DSCAM: variants seen among roughly 807,000 people sequenced by gnomAD.
The protein encoded by DSCAM is cell adhesion molecule DSCAM.
A neutral mutation model predicts 217.7 loss-of-function variants in DSCAM; 47 were observed. The ratio of observed to expected loss-of-function variants is 0.22; its 90% CI spans 0.17 to 0.28. The LOEUF (loss-of-function observed/expected upper bound fraction) is 0.28. DSCAM is among the 10% of genes least tolerant of loss of function. The probability of loss-of-function intolerance (pLI) is 1.00; values close to 1 mark genes in which losing one functional copy is unlikely to be tolerated. For synonymous variants in DSCAM, 1,056 were observed against 1,015.3 expected, an observed-to-expected ratio of 1.04 and a Z score of -0.76; for missense variants, 2,080 against 2,618.3, an observed-to-expected ratio of 0.79 and a Z score of 4.49.
intron 3 of DSCAM, among the ~76,000 whole-genome samples, chr21:40,647,560 G>A (rs1323110564): frequency 1.3e-5 from 2 of 152,046 alleles, no homozygotes; most frequent in Non-Finnish European, 2.9e-5. Context: ...AGGTTCTCTT[G>A]TCTAAAATAG....
chr21:40,533,527 GT>G (rs2076466689), intron 3 of DSCAM, among the ~76,000 whole-genome samples: 3 of 121,192 alleles, frequency 2.5e-5, no homozygotes, highest in Admixed American at 1.6e-4. Context: ...CCATCCATCT[GT>G]CCATCCATCC....
chr21:40,836,793 G>C (rs759974684), intron 1 of DSCAM, among the ~76,000 whole-genome samples: 2 of 152,186 alleles, frequency 1.3e-5, no homozygotes, highest in Non-Finnish European at 2.9e-5. Context: ...ATCAGAGCTG[G>C]AAGACGACAT....
intron 18 of DSCAM, among the ~76,000 whole-genome samples, chr21:40,137,775 T>C (rs987139830): frequency 3.3e-5 from 5 of 152,220 alleles, no homozygotes; most frequent in African/African-American, 1.2e-4. Flanking sequence ...TGTGTATTTA[T>C]ATCTTGCCTC....
At chr21:40,627,706 G>T (rs2146311565) in intron 3 of DSCAM, among the ~76,000 whole-genome samples, 1 of 152,282 alleles carries the variant, frequency 6.6e-6, no homozygotes, top group African/African-American at 2.4e-5. Context: ...ATCATTCACA[G>T]CACATCTGTT....
chr21:40,462,488 G>A (rs1185417465), intron 3 of DSCAM, among the ~76,000 whole-genome samples: 6 of 152,120 alleles, frequency 3.9e-5, no homozygotes, highest in Non-Finnish European at 7.3e-5. Flanking sequence ...AAATGTTACT[G>A]CACATTGGAA....
intron 20 of DSCAM, among the ~76,000 whole-genome samples, chr21:40,121,181 T>A (rs1033279814): frequency 1.3e-5 from 2 of 152,180 alleles, no homozygotes; most frequent in African/African-American, 4.8e-5. Context: ...CTTGGAAAAC[T>A]TGACAGCATC....
At chr21:40,475,528 C>T (rs917833524) in intron 3 of DSCAM, among the ~76,000 whole-genome samples, 3 of 152,184 alleles carry the variant, frequency 2.0e-5, no homozygotes, top group Admixed American at 6.5e-5. Context: ...TGTGTTCATT[C>T]ACGAAAGTGC....
At chr21:40,458,293 C>T (rs184697361) in intron 3 of DSCAM, among the ~76,000 whole-genome samples, 1 of 152,112 alleles carries the variant, frequency 6.6e-6, no homozygotes, top group East Asian at 1.9e-4. Context: ...TATTTCCCCA[C>T]AAAGTTATAA....
At chr21:40,183,983 G>T (rs375533166) in intron 14 of DSCAM, among the ~76,000 whole-genome samples, 50 of 152,280 alleles carry the variant, frequency 3.3e-4, no homozygotes, top group East Asian at 2.3e-3. Context: ...CATAAGGTTT[G>T]TCAGAGACAA....
intron 1 of DSCAM, among the ~76,000 whole-genome samples, chr21:40,719,127 A>AACAC (rs111670493): frequency 2.0e-5 from 3 of 151,078 alleles, no homozygotes; most frequent in African/African-American, 4.9e-5. Flanking sequence ...AAAGAAGAAA[A>AACAC]ACACACACAC....
chr21:40,523,845 T>A (rs1601714323), intron 3 of DSCAM, among the ~76,000 whole-genome samples: 2 of 152,066 alleles, frequency 1.3e-5, no homozygotes, highest in African/African-American at 4.8e-5. Context: ...CTGTAAACAT[T>A]CACCTCTAGA....
intron 1 of DSCAM, among the ~76,000 whole-genome samples, chr21:40,730,510 T>G (rs2091000983): frequency 6.6e-6 from 1 of 152,200 alleles, no homozygotes; most frequent in Non-Finnish European, 1.5e-5. Flanking sequence ...TTCCACCGTT[T>G]GATAAAAATC....
At chr21:40,579,379 T>C (rs1372756492) in intron 3 of DSCAM, among the ~76,000 whole-genome samples, 1 of 151,056 alleles carries the variant, frequency 6.6e-6, no homozygotes, top group African/African-American at 2.4e-5. Context: ...CACAGAGGGG[T>C]AGAGGTAGGC....
chr21:40,823,796 C>T (rs1161056755), intron 1 of DSCAM, among the ~76,000 whole-genome samples: 3 of 152,028 alleles, frequency 2.0e-5, no homozygotes, highest in African/African-American at 7.3e-5. Flanking sequence ...CAGGATGTGC[C>T]CTCTGATCCA....
At chr21:40,708,074 T>C (rs751140250) in intron 2 of DSCAM, among the ~76,000 whole-genome samples, 1 of 152,192 alleles carries the variant, frequency 6.6e-6, no homozygotes, top group Admixed American at 6.5e-5. Context: ...TGTCATTTTT[T>C]TCTCTCTCTT....
chr21:40,138,928 G>C (rs1189834886), intron 18 of DSCAM, among the ~76,000 whole-genome samples: 1 of 147,726 alleles, frequency 6.8e-6, no homozygotes, highest in Admixed American at 6.7e-5. Flanking sequence ...TGTGTGGTGT[G>C]GTACATGGTG....
intron 3 of DSCAM, among the ~76,000 whole-genome samples, chr21:40,594,973 T>C (rs1170784854): frequency 1.3e-5 from 2 of 152,200 alleles, no homozygotes; most frequent in Admixed American, 6.5e-5. Context: ...CAACCAACAC[T>C]TACTGGGTGC....
At chr21:40,469,239 C>A (rs1277851959) in intron 3 of DSCAM, among the ~76,000 whole-genome samples, 1 of 152,048 alleles carries the variant, frequency 6.6e-6, no homozygotes, top group Non-Finnish European at 1.5e-5. Flanking sequence ...ATTCTTTTTG[C>A]AAACATAAGT....
chr21:40,769,389 A>G (rs543527601), intron 1 of DSCAM, among the ~76,000 whole-genome samples: 1 of 152,298 alleles, frequency 6.6e-6, no homozygotes, highest in African/African-American at 2.4e-5. Context: ...TGCTGCACCC[A>G]TGGGGAGAAG....
Sources: allele counts gnomAD v4.1 joint callset (sites outside exome capture counted in the v4.1 genomes callset), GRCh38; gene constraint gnomAD v4.1.1; transcripts MANE v1.5; gene names NCBI Gene and HGNC (gene_info 2026-07-23, HGNC 2026-07-21).